Variants in STPG2 observed in about 807,000 individuals in gnomAD.
STPG2 encodes sperm-tail PG-rich repeat-containing protein 2.
In STPG2, 56 loss-of-function variants were observed where a neutral mutation model predicts 54.2. The ratio of observed to expected loss-of-function variants is 1.03; its 90% confidence interval spans 0.83 to 1.29. STPG2 has a LOEUF of 1.29. Among genes scored for constraint, STPG2 ranks in the 50% most tolerant of loss-of-function variants. STPG2 has a pLI of 0.00. For synonymous variants in STPG2, 200 were observed against 181.8 expected, an observed-to-expected ratio of 1.10 and a Z score of -0.81; for missense variants, 596 against 544.9, an observed-to-expected ratio of 1.09 and a Z score of -0.93.
At chr4:97,884,964 A>C (rs1049821831) in intron 8 of STPG2, among the ~76,000 whole-genome samples, 1 of 152,164 alleles carries the variant, frequency 6.6e-6, no homozygotes, top group Non-Finnish European at 1.5e-5. Context: ...AAAGAAAACA[A>C]GATGCAGAAA....
chr4:97,538,565 A>G (rs1414261818), intron 4 of STPG2, among the ~76,000 whole-genome samples: 1 of 152,226 alleles, frequency 6.6e-6, no homozygotes, highest in Non-Finnish European at 1.5e-5. Flanking sequence ...TCTACGTCTC[A>G]TTGGTGTACC....
chr4:97,481,743 G>A (rs2148821331), intron 4 of STPG2, among the ~76,000 whole-genome samples: 1 of 151,298 alleles, frequency 6.6e-6, no homozygotes, highest in South Asian at 2.1e-4. Flanking sequence ...TGTCTTTTTT[G>A]TAAGCTTGTT....
At chr4:98,041,084 AT>A (rs1736939427) in intron 5 of STPG2, among the ~76,000 whole-genome samples, 1 of 151,160 alleles carries the variant, frequency 6.6e-6, no homozygotes, top group African/African-American at 2.4e-5. Flanking sequence ...GTATTTTATT[AT>A]TTTTGTAGCT....
chr4:97,883,821 G>A (rs955140335), intron 8 of STPG2, among the ~76,000 whole-genome samples: 5 of 152,080 alleles, frequency 3.3e-5, no homozygotes, highest in Non-Finnish European at 7.4e-5. Flanking sequence ...GAGAAAGAAG[G>A]CTTCTCGTCA....
downstream of STPG2, among the ~76,000 whole-genome samples, chr4:97,555,835 T>C (rs923832255): frequency 3.9e-5 from 6 of 152,112 alleles, no homozygotes; most frequent in Non-Finnish European, 5.9e-5. Flanking sequence ...CTCATCTTTA[T>C]AAATAGAAGA....
intron 9 of STPG2, among the ~76,000 whole-genome samples, chr4:97,824,586 T>C (rs1578596410): frequency 6.6e-6 from 1 of 152,176 alleles, no homozygotes; most frequent in African/African-American, 2.4e-5. Context: ...CACAGCAAAC[T>C]GGTCAGTTAT....
chr4:97,680,191 G>A, intron 10 of STPG2, among the ~76,000 whole-genome samples: 1 of 151,428 alleles, frequency 6.6e-6, no homozygotes, highest in African/African-American at 2.4e-5. Flanking sequence ...GATGGGGATG[G>A]CATTGAATCT....
Position 97,694,859 on chromosome 4 carries a change from CA to C in STPG2, c.1320+17839del, listed in dbSNP as rs1241204928. On this transcript the variant is annotated intron_variant, in intron 10 of 10. Coordinates refer to ENST00000295268, the MANE Select transcript of STPG2 (RefSeq NM_174952.3). ...AAAAAAAAAAAAAAAAAATTAGCAA[CA>C]AAAAAAGTCCAGAGGCAGACAGATT... Among the ~76,000 whole-genome samples the C allele has an allele frequency of 1.7e-4, 10 of 59,712 alleles. No individual in the cohort carries two copies. The East Asian group carries it at 3.8e-3, about 23-fold the overall frequency. The allele number at this position is 59,712 out of a possible 152,430, so 39.2% of individuals were successfully genotyped here.
chr4:97,944,893 C>A (rs939642037), intron 7 of STPG2, among the ~76,000 whole-genome samples: 18 of 152,142 alleles, frequency 1.2e-4, no homozygotes, highest in Admixed American at 1.2e-3. Context: ...TCCAACCTAT[C>A]CACTCCAGAT....
intron 4 of STPG2, among the ~76,000 whole-genome samples, chr4:97,444,919 C>T (rs2148793226): frequency 6.6e-6 from 1 of 152,170 alleles, no homozygotes; most frequent in South Asian, 2.1e-4. Context: ...CGCCTGTGGT[C>T]CCAGCTACTC....
intron 8 of STPG2, among the ~76,000 whole-genome samples, chr4:97,849,813 A>G (rs891577569): frequency 6.6e-6 from 1 of 151,930 alleles, no homozygotes; most frequent in African/African-American, 2.4e-5. Context: ...ACACTTTTAC[A>G]CTGTTGGTGG....
chr4:98,058,230 C>G (rs2110096242), intron 5 of STPG2, among the ~76,000 whole-genome samples: 1 of 152,216 alleles, frequency 6.6e-6, no homozygotes, highest in East Asian at 1.9e-4. Flanking sequence ...TGAATATAAA[C>G]AGGCTAAACT....
chr4:97,474,148 A>G (rs1056542533), intron 4 of STPG2, among the ~76,000 whole-genome samples: 2 of 152,114 alleles, frequency 1.3e-5, no homozygotes, highest in African/African-American at 4.8e-5. Flanking sequence ...ACTATGGTCT[A>G]GGATGTTGAT....
chr4:97,546,932 T>C (rs1731846004), intron 4 of STPG2, among the ~76,000 whole-genome samples: 1 of 152,134 alleles, frequency 6.6e-6, no homozygotes. Context: ...TATGATGCAA[T>C]AAATATAGAA....
intron 5 of STPG2, among the ~76,000 whole-genome samples, chr4:98,039,919 T>C (rs910386695): frequency 1.3e-5 from 2 of 151,890 alleles, no homozygotes; most frequent in Non-Finnish European, 2.9e-5. Flanking sequence ...ATAAAGGCTG[T>C]ACTAATTTAC....
At chr4:97,470,488 C>A (rs1301052535) in intron 4 of STPG2, among the ~76,000 whole-genome samples, 3 of 152,142 alleles carry the variant, frequency 2.0e-5, no homozygotes, top group African/African-American at 7.2e-5. Context: ...CCCCCTTCAT[C>A]TGTGGGGAAT....
At chr4:97,973,022 G>C (rs1284067461) in intron 6 of STPG2, among the ~76,000 whole-genome samples, 1 of 152,184 alleles carries the variant, frequency 6.6e-6, no homozygotes, top group Non-Finnish European at 1.5e-5. Flanking sequence ...GTTGGGCACT[G>C]CTGTAGATAC....
intron 1 of STPG2, among the ~76,000 whole-genome samples, chr4:98,140,665 A>G (rs1309025258): frequency 6.6e-6 from 1 of 151,520 alleles, no homozygotes; most frequent in Non-Finnish European, 1.5e-5. Flanking sequence ...AGGGACCAGT[A>G]TTGCTGGAAA....
chr4:97,600,635 A>G (rs983863514), intron 10 of STPG2, among the ~76,000 whole-genome samples: 7 of 152,124 alleles, frequency 4.6e-5, no homozygotes, highest in Admixed American at 1.3e-4. Flanking sequence ...TGTGTGAGCA[A>G]ACTAATGAGG....
Sources: allele counts gnomAD v4.1 joint callset (sites outside exome capture counted in the v4.1 genomes callset), GRCh38; gene constraint gnomAD v4.1.1; transcripts MANE v1.5; gene names NCBI Gene and HGNC (gene_info 2026-07-23, HGNC 2026-07-21).